The following GALNTL6 variants were observed in gnomAD, a reference collection of about 807,000 sequenced individuals.
GALNTL6 encodes polypeptide N-acetylgalactosaminyltransferase like 6, also known as polypeptide N-acetylgalactosaminyltransferase-like 6.
A neutral mutation model predicts 73.7 loss-of-function variants in GALNTL6; 46 were observed. The observed-to-expected ratio is 0.62, with a 90% CI of 0.49 to 0.80. GALNTL6 has a LOEUF of 0.80. Among genes scored for constraint, GALNTL6 ranks in the 30% least tolerant of loss-of-function variants. The pLI is 0.00. For missense variants in GALNTL6, 604 were observed against 755.0 expected, an observed-to-expected ratio of 0.80 and a Z score of 2.34; for synonymous variants, 259 against 263.7, an observed-to-expected ratio of 0.98 and a Z score of 0.17.
chr4:171,963,918 A>G (rs1739306369), intron 2 of GALNTL6, among the ~76,000 whole-genome samples: 1 of 152,164 alleles, frequency 6.6e-6, no homozygotes, highest in African/African-American at 2.4e-5. Context: ...TATAGAAAAG[A>G]GTCTTGGAAG....
intron 5 of GALNTL6, among the ~76,000 whole-genome samples, chr4:172,376,522 G>T (rs1463625291): frequency 6.6e-6 from 1 of 152,180 alleles, no homozygotes; most frequent in Admixed American, 6.5e-5. Context: ...AGAGTCAGGG[G>T]TTGTTAGACA....
chr4:172,938,618 C>T (rs1468555007), intron 9 of GALNTL6, among the ~76,000 whole-genome samples: 1 of 152,200 alleles, frequency 6.6e-6, no homozygotes, highest in African/African-American at 2.4e-5. Flanking sequence ...CTGTAAATCA[C>T]TGTACTCTCT....
chr4:172,146,376 T>C (rs1212733455), intron 2 of GALNTL6, among the ~76,000 whole-genome samples: 1 of 152,132 alleles, frequency 6.6e-6, no homozygotes, highest in Non-Finnish European at 1.5e-5. Context: ...AGAAAAGAAA[T>C]ATAAAAGGCA....
At chr4:172,420,899 G>A (rs1731030477) in intron 5 of GALNTL6, among the ~76,000 whole-genome samples, 1 of 151,928 alleles carries the variant, frequency 6.6e-6, no homozygotes, top group African/African-American at 2.4e-5. Context: ...TCATCCTCAG[G>A]AAACTAACAG....
intron 5 of GALNTL6, among the ~76,000 whole-genome samples, chr4:172,617,257 C>A (rs1215796046): frequency 6.6e-6 from 1 of 151,472 alleles, no homozygotes; most frequent in African/African-American, 2.4e-5. Context: ...ATGAGAAGTT[C>A]TTTTGTAATA....
chr4:172,923,136 T>G (rs1012559360), intron 8 of GALNTL6, among the ~76,000 whole-genome samples: 6 of 151,972 alleles, frequency 3.9e-5, no homozygotes, highest in Admixed American at 2.6e-4. Flanking sequence ...GGAAGAGAGT[T>G]TATTAGTTTG....
intron 3 of GALNTL6, among the ~76,000 whole-genome samples, chr4:172,245,812 A>G (rs1737638450): frequency 6.6e-6 from 1 of 152,186 alleles, no homozygotes; most frequent in Non-Finnish European, 1.5e-5. Flanking sequence ...GAAAAGTGCC[A>G]GCTCTGGAGC....
chr4:172,042,861 C>T (rs1050116801), intron 2 of GALNTL6, among the ~76,000 whole-genome samples: 1 of 3,988 alleles, frequency 2.5e-4, no homozygotes, highest in Non-Finnish European at 4.8e-4. Context: ...CAATCTTTAA[C>T]AGTAAAAAAA....
intron 4 of GALNTL6, among the ~76,000 whole-genome samples, chr4:172,316,994 G>A (rs13141969): frequency 0.16 from 23,646 of 152,060 alleles, 1,979 homozygotes; most frequent in East Asian, 0.2. Flanking sequence ...CTCTTTCTCC[G>A]GGAAAGAAAC....
chr4:172,930,320 AC>A (rs1748265956), intron 8 of GALNTL6, among the ~76,000 whole-genome samples: 1 of 152,056 alleles, frequency 6.6e-6, no homozygotes, highest in Non-Finnish European at 1.5e-5. Context: ...TATTTTCTGT[AC>A]CTAAGAAAAA....
intron 4 of GALNTL6, among the ~76,000 whole-genome samples, chr4:172,347,413 T>G (rs1741787842): frequency 6.6e-6 from 1 of 152,226 alleles, no homozygotes; most frequent in African/African-American, 2.4e-5. Context: ...GATATCACCT[T>G]CATTCTAAGA....
intron 5 of GALNTL6, among the ~76,000 whole-genome samples, chr4:172,761,669 T>TTCTCTCTTTC (rs1553985723): frequency 2.7e-5 from 4 of 147,176 alleles, no homozygotes; most frequent in Non-Finnish European, 6.0e-5. Flanking sequence ...CTTGCTCTCT[T>TTCTCTCTTTC]TCTCTCTCTC....
intron 5 of GALNTL6, among the ~76,000 whole-genome samples, chr4:172,552,594 C>T (rs1035732082): frequency 5.9e-5 from 9 of 152,044 alleles, no homozygotes; most frequent in African/African-American, 2.2e-4. Flanking sequence ...CATTGAAAGA[C>T]AAAATACATT....
At chr4:172,382,497 G>A (rs181486595) in intron 5 of GALNTL6, among the ~76,000 whole-genome samples, 25 of 152,082 alleles carry the variant, frequency 1.6e-4, no homozygotes, top group African/African-American at 5.8e-4. Context: ...TATTCTGAGT[G>A]CAAGTAATGT....
At chr4:172,744,468 T>A (rs74905208) in intron 5 of GALNTL6, among the ~76,000 whole-genome samples, 34 of 152,276 alleles carry the variant, frequency 2.2e-4, no homozygotes, top group African/African-American at 8.2e-4. Flanking sequence ...GTCTGTGTAC[T>A]GATGTAGGTC....
chr4:172,387,927 A>C (rs1743529569), intron 5 of GALNTL6, among the ~76,000 whole-genome samples: 1 of 152,106 alleles, frequency 6.6e-6, no homozygotes, highest in Non-Finnish European at 1.5e-5. Context: ...TCTTTACCAT[A>C]AATATTACTT....
intron 2 of GALNTL6, among the ~76,000 whole-genome samples, chr4:171,876,043 A>G (rs1233913729): frequency 6.6e-6 from 1 of 152,132 alleles, no homozygotes; most frequent in Non-Finnish European, 1.5e-5. Context: ...CTTTTAATAG[A>G]TAAGGATTAG....
chr4:172,423,840 T>A (rs1731135645), intron 5 of GALNTL6, among the ~76,000 whole-genome samples: 1 of 152,184 alleles, frequency 6.6e-6, no homozygotes, highest in Middle Eastern at 3.4e-3. Context: ...TAAGGGATAG[T>A]TTGATTTAAT....
intron 4 of GALNTL6, among the ~76,000 whole-genome samples, chr4:172,343,607 T>C (rs1741644887): frequency 6.6e-6 from 1 of 152,148 alleles, no homozygotes; most frequent in Non-Finnish European, 1.5e-5. Flanking sequence ...GTTAAGTATG[T>C]GTTAAACAAT....
Sources: gnomAD v4.1 joint callset for allele counts (sites outside exome capture counted in the v4.1 genomes callset) on GRCh38, gnomAD v4.1.1 for gene constraint, MANE v1.5 for transcripts, NCBI Gene and HGNC (gene_info 2026-07-23, HGNC 2026-07-21) for gene names.